The following KCNIP4 variants were observed in gnomAD, a reference collection of about 807,000 sequenced individuals.
The protein encoded by KCNIP4 is potassium voltage-gated channel interacting protein 4.
Under a neutral mutation model 34.0 loss-of-function variants are expected in KCNIP4, and 12 were observed. The ratio of observed to expected loss-of-function variants is 0.35; its 90% confidence interval spans 0.23 to 0.57. The LOEUF is 0.57. KCNIP4 is among the 20% of genes least tolerant of loss of function. KCNIP4 has a pLI of 0.83. For synonymous variants in KCNIP4, 124 were observed against 102.2 expected (o/e 1.21, Z -1.29); for missense variants, 238 against 311.7 (o/e 0.76, Z 1.78).
At chr4:21,692,575 GAAGA>G (rs1431649980) in intron 1 of KCNIP4, among the ~76,000 whole-genome samples, 3 of 152,088 alleles carry the variant, frequency 2.0e-5, no homozygotes, top group African/African-American at 4.8e-5. Context: ...GGTTTCAATG[GAAGA>G]AAGAGCAAAA....
chr4:20,864,251 T>C (rs1031371191), intron 2 of KCNIP4, among the ~76,000 whole-genome samples: 1 of 151,552 alleles, frequency 6.6e-6, no homozygotes, highest in Admixed American at 6.6e-5. Flanking sequence ...TGTATGTATA[T>C]ATGCACACAT....
chr4:21,851,772 T>C (rs1724418933), intron 1 of KCNIP4: 1 of 152,110 alleles, frequency 6.6e-6, no homozygotes, highest in Non-Finnish European at 1.5e-5. Context: ...ATTGCCAACA[T>C]GAATCTCCAA....
Position 21,689,737 on chromosome 4 carries a change from G to T in KCNIP4, c.61+258834C>A, listed in dbSNP as rs370532309. 2.7e-3 allele frequency among the ~76,000 whole-genome samples: 407 copies of T among 152,214 alleles called. 15 individuals carry two copies. The South Asian group carries it at 0.067, about 25-fold the overall frequency. ...ACGAAATGCTTTTTATGATGATATA[G>T]AACGATGAAATGCTCCCTTATGCCA... On this transcript the variant is annotated intron_variant, in intron 1 of 8. Coordinates refer to ENST00000382152, the MANE Select transcript of KCNIP4 (RefSeq NM_025221.6).
chr4:21,841,886 C>T (rs1053522689), intron 1 of KCNIP4, among the ~76,000 whole-genome samples: 5 of 152,096 alleles, frequency 3.3e-5, no homozygotes, highest in African/African-American at 1.2e-4. Context: ...CAAGTTATCA[C>T]TTCAGGCTCT....
At chr4:21,281,769 T>A (rs1762790544) in intron 1 of KCNIP4, among the ~76,000 whole-genome samples, 1 of 152,198 alleles carries the variant, frequency 6.6e-6, no homozygotes, top group African/African-American at 2.4e-5. Context: ...TTCCCATTGA[T>A]CTGAATATTG....
At chr4:21,884,289 G>A (rs570830116) in intron 1 of KCNIP4, among the ~76,000 whole-genome samples, 9 of 152,152 alleles carry the variant, frequency 5.9e-5, no homozygotes, top group Non-Finnish European at 8.8e-5. Context: ...GGGGAATAGC[G>A]CATGGAGAAA....
At chr4:21,647,129 T>C (rs544703060) in intron 1 of KCNIP4, among the ~76,000 whole-genome samples, 2 of 152,196 alleles carry the variant, frequency 1.3e-5, no homozygotes, top group African/African-American at 4.8e-5. Flanking sequence ...ATATTAAATA[T>C]ATCTTTTAAT....
intron 5 of KCNIP4, among the ~76,000 whole-genome samples, chr4:20,739,627 A>G (rs1333612087): frequency 1.3e-5 from 2 of 152,216 alleles, no homozygotes; most frequent in East Asian, 3.9e-4. Flanking sequence ...ATAAAACCAG[A>G]AAGATGGAGA....
intron 1 of KCNIP4, among the ~76,000 whole-genome samples, chr4:21,386,067 T>C (rs1162594484): frequency 6.6e-6 from 1 of 152,170 alleles, no homozygotes; most frequent in Non-Finnish European, 1.5e-5. Context: ...CGTATAAATA[T>C]GGGGAAATTA....
intron 1 of KCNIP4, among the ~76,000 whole-genome samples, chr4:21,485,478 G>T (rs1731820341): frequency 6.6e-6 from 1 of 152,140 alleles, no homozygotes. Context: ...AATTGAAATT[G>T]CAAGTTGCAA....
chr4:20,733,133 G>T (rs916885582), intron 6 of KCNIP4, among the ~76,000 whole-genome samples: 3 of 152,116 alleles, frequency 2.0e-5, no homozygotes, highest in Non-Finnish European at 4.4e-5. Context: ...TATCTTATGT[G>T]TTGATCATCA....
At chr4:21,910,062 G>T (rs533921408) in intron 1 of KCNIP4, among the ~76,000 whole-genome samples, 1 of 152,202 alleles carries the variant, frequency 6.6e-6, no homozygotes, top group East Asian at 1.9e-4. Context: ...CGAAGATGAT[G>T]CTACCCTGAA....
intron 3 of KCNIP4, among the ~76,000 whole-genome samples, chr4:20,839,929 C>A (rs1363718834): frequency 1.3e-5 from 2 of 152,110 alleles, no homozygotes; most frequent in African/African-American, 4.8e-5. Context: ...AGATCACTGT[C>A]CTTAGAAAGG....
intron 1 of KCNIP4, among the ~76,000 whole-genome samples, chr4:21,809,959 C>T (rs1173432075): frequency 2.0e-5 from 3 of 152,134 alleles, no homozygotes; most frequent in Non-Finnish European, 4.4e-5. Flanking sequence ...CATGTAATTG[C>T]CTCCTATGCT....
chr4:21,014,249 C>T lies in KCNIP4; in HGVS notation c.62-131540G>A, dbSNP rs1301690406. 2.6e-5 allele frequency among the ~76,000 whole-genome samples: 4 copies of T among 152,296 alleles called. No individual in the cohort carries two copies. The East Asian group carries it at 5.8e-4, about 22-fold the overall frequency. On this transcript the variant is annotated intron_variant, in intron 1 of 8. Transcript: ENST00000382152. The stretch of plus-strand genomic sequence containing the variant: ...CCTTCTACTACAAGACCACCACATG[C>T]CCCATGAAAGTCATACTAAAAACTT...
chr4:21,394,241 A>G (rs1048617575), intron 1 of KCNIP4, among the ~76,000 whole-genome samples: 1 of 152,144 alleles, frequency 6.6e-6, no homozygotes, highest in Non-Finnish European at 1.5e-5. Context: ...AGAAGGAAAA[A>G]TATATCTAAA....
intron 2 of KCNIP4, among the ~76,000 whole-genome samples, chr4:20,875,311 A>T (rs77742642): frequency 6.6e-6 from 1 of 152,170 alleles, no homozygotes; most frequent in South Asian, 2.1e-4. Flanking sequence ...CCCTACTCCC[A>T]TGCCTCTTGC....
chr4:21,943,923 A>G (rs939633193), intron 1 of KCNIP4, among the ~76,000 whole-genome samples: 19 of 151,774 alleles, frequency 1.3e-4, no homozygotes, highest in African/African-American at 4.4e-4. Context: ...CTTATTCATC[A>G]TGATGAGAAT....
chr4:21,288,092 T>G (rs1763225702), intron 1 of KCNIP4, among the ~76,000 whole-genome samples: 1 of 152,088 alleles, frequency 6.6e-6, no homozygotes, highest in Non-Finnish European at 1.5e-5. Flanking sequence ...ATCAGCAGCT[T>G]TTTTCTACCA....
Sources: allele counts gnomAD v4.1 joint callset (sites outside exome capture counted in the v4.1 genomes callset), GRCh38; gene constraint gnomAD v4.1.1; transcripts MANE v1.5; gene names NCBI Gene and HGNC (gene_info 2026-07-23, HGNC 2026-07-21).